The following FGFR1 variants were observed in gnomAD, a reference collection of about 807,000 sequenced individuals.
FGFR1 encodes the protein fibroblast growth factor receptor 1, also known as FGFR1/PLAG1 fusion.
A neutral mutation model predicts 93.7 loss-of-function variants in FGFR1; 18 were observed. That is an observed-to-expected ratio of 0.19 (90% CI 0.13 to 0.28). The LOEUF is 0.28. FGFR1 is among the 10% of genes least tolerant of loss of function. FGFR1 has a pLI of 1.00. For missense variants in FGFR1, 731 were observed against 1,080.4 expected (o/e 0.68, Z 4.53); for synonymous variants, 448 against 429.3 (o/e 1.04, Z -0.54).
chr8:38,419,819 T>TATC (rs1336575101), intron 8 of FGFR1, 84 bp from the exon 9 acceptor site: 1 of 1,199,642 alleles, frequency 8.3e-7, no homozygotes. Context: ...GCAACACCTG[T>TATC]CTCCTGTCCC....
In FGFR1 at chr8:38,413,432, C is replaced by T. The variant is rs571270516; in HGVS notation, c.*196G>A. ...AAGATCTGCCTCTTTGCACCTCTCA[C>T]CAGCAGGTGGAGAGGAGGTGGAGGG... is the stretch of plus-strand genomic sequence containing the variant. On this transcript the variant is annotated 3_prime_UTR_variant, in exon 18 of 18. Transcript: ENST00000447712. The surrounding 1 kb of genome is among the most constrained non-coding windows in gnomAD (Gnocchi z 4.2). The T allele has an allele frequency of 1.3e-5, 8 of 608,764 alleles. No homozygotes were observed. The South Asian group carries it at 1.4e-4, about 11-fold the overall frequency. The allele number at this position is 608,764 out of a possible 1,614,324, so 37.7% of individuals were successfully genotyped here.
At chr8:38,456,225 G>C (rs1461115680) in intron 2 of FGFR1, among the ~76,000 whole-genome samples, 1 of 152,154 alleles carries the variant, frequency 6.6e-6, no homozygotes, top group African/African-American at 2.4e-5. Flanking sequence ...TGTGTGACCA[G>C]CCACTGAGTC....
rs148651567 is a variant in FGFR1 at position 38,414,331 on chromosome 8, G to A, written c.2049-42C>T. The A allele has an allele frequency of 1.8e-4, 283 of 1,613,422 alleles. 3 individuals are homozygous for A. The East Asian group carries it at 5.0e-3, about 29-fold the overall frequency. ...AGCCACAGGGTGTTAGAGCTTCTCC[G>A]CCTCCCCTCCCCCAGCACAAATCCT... On this transcript the variant is annotated intron_variant, in intron 15 of 17. Coordinates refer to ENST00000447712, the MANE Select transcript of FGFR1 (RefSeq NM_023110.3).
At position 38,457,415 on chromosome 8, in the gene FGFR1, G is replaced by A. The variant is rs762020019; in HGVS notation, c.32C>T (p.Ala11Val). Residue 11 changes from alanine (A) to valine (V), a missense_variant, in exon 2 of 18, where the codon GCT (alanine) becomes GTT (valine). Around this residue, in one of 10 missense-constraint regions of FGFR1, gnomAD observed 212 missense variants for 205.8 expected, o/e 1.03. Coordinates refer to ENST00000447712, the MANE Select transcript of FGFR1 (RefSeq NM_023110.3). Reference sequence around the variant, plus strand: ...GCAGAGTGTGGCTGTGACCAGCACAGCCCAGAAGAGGAGGCACTTCCAGCT... The same window carrying A: ...GCAGAGTGTGGCTGTGACCAGCACAACCCAGAAGAGGAGGCACTTCCAGCT... The part of the protein sequence containing the change: MWSWKCLLFW[A>V]VLVTATLCTA... 5 of 1,614,042 alleles carry A rather than the reference G, an allele frequency of 3.1e-6. No homozygotes were observed. The South Asian group carries it at 5.5e-5, about 18-fold the overall frequency.
At chr8:38,422,236 G>A in intron 7 of FGFR1, 1 of 484,130 alleles carries the variant, frequency 2.1e-6, no homozygotes, top group Non-Finnish European at 3.8e-6. Flanking sequence ...TGAGCGGCAT[G>A]GAGAAATGGG....
At chr8:38,437,827 AAC>A (rs1248369901) in intron 2 of FGFR1, among the ~76,000 whole-genome samples, 1 of 152,212 alleles carries the variant, frequency 6.6e-6, no homozygotes, top group African/African-American at 2.4e-5. Flanking sequence ...CACATGGACA[AAC>A]ACACCTGAAA....
chr8:38,454,104 C>CT (rs1378720938), intron 2 of FGFR1, among the ~76,000 whole-genome samples: 4 of 152,146 alleles, frequency 2.6e-5, no homozygotes, highest in Admixed American at 2.6e-4. Context: ...CTCTTACTCC[C>CT]TTTCTTCTGT....
chr8:38,464,146 C>G (rs1025159680), intron 1 of FGFR1, among the ~76,000 whole-genome samples: 1 of 151,924 alleles, frequency 6.6e-6, no homozygotes, highest in African/African-American at 2.4e-5. Context: ...GAAACACCAT[C>G]TCTATTAAAA....
intron 2 of FGFR1, chr8:38,430,880 C>T (rs1007541091): frequency 2.0e-5 from 3 of 152,444 alleles, no homozygotes; most frequent in African/African-American, 7.2e-5. Flanking sequence ...TGCCTCTTCC[C>T]GCACGCGTTC....
intron 1 of FGFR1, 89 bp downstream of exon 1, chr8:38,467,892 G>C (rs1176814229): frequency 4.5e-6 from 1 of 224,540 alleles, no homozygotes; most frequent in African/African-American, 2.2e-5. Flanking sequence ...GGGCTGCGGC[G>C]GGCAAAGCGC....
rs2150866252 is a variant in FGFR1 at position 38,426,241 on chromosome 8, C to T, written c.626G>A (p.Arg209His). The change falls in exon 6 of 18, where the codon CGT becomes CAT. Residue 209 changes from arginine to histidine, a missense_variant. Around this residue, in one of 10 missense-constraint regions of FGFR1, gnomAD observed 109 missense variants for 249.4 expected, o/e 0.44. Coordinates refer to ENST00000447712, the MANE Select transcript of FGFR1 (RefSeq NM_023110.3). The surrounding 1 kb of genome is among the most constrained non-coding windows in gnomAD (Gnocchi z 4.1). ...CATTATGATGCTCCAGGTGGCATAACGGACCTGAGGGGAAATGCCAAAGGG... is the reference window on the plus strand; with the variant it reads ...CATTATGATGCTCCAGGTGGCATAATGGACCTGAGGGGAAATGCCAAAGGG... The part of the protein sequence containing the change: ...PDHRIGGYKV[R>H]YATWSIIMDS... 3 of 1,614,118 alleles carry T rather than the reference C, an allele frequency of 1.9e-6. No homozygotes were observed. Among genetic ancestry groups the T allele is most frequent in the Non-Finnish European group, 2.5e-6 (3 of 1,180,036 alleles).
chr8:38,422,423 A>G (rs1232546056), intron 7 of FGFR1: 3 of 356,784 alleles, frequency 8.4e-6, no homozygotes. Flanking sequence ...CTCTTTTTTA[A>G]GAGATGGGGT....
intron 8 of FGFR1, among the ~76,000 whole-genome samples, chr8:38,421,482 G>T (rs1418450089): frequency 6.6e-6 from 1 of 152,184 alleles, no homozygotes; most frequent in East Asian, 1.9e-4. Context: ...CTGGACCCAA[G>T]GACGGAAGGA....
intron 10 of FGFR1, 103 bp from the exon 11 acceptor site, chr8:38,418,094 G>A (rs1365407253): frequency 1.9e-6 from 3 of 1,608,354 alleles, no homozygotes; most frequent in East Asian, 2.2e-5. Flanking sequence ...ACTGCGAGCA[G>A]AAAGTGGAAT....
intron 2 of FGFR1, among the ~76,000 whole-genome samples, chr8:38,452,446 T>C (rs1831392562): frequency 6.6e-6 from 1 of 152,074 alleles, no homozygotes; most frequent in African/African-American, 2.4e-5. Context: ...CCTCAACTCC[T>C]GGGCTCAAGC....
chr8:38,427,933 A>G lies in FGFR1; in HGVS notation c.609T>C (p.Ile203=). 6.2e-7 allele frequency: 1 copy of G among 1,614,194 alleles called. No individual in the cohort carries two copies. Among genetic ancestry groups the G allele is most frequent in the Non-Finnish European group, 8.5e-7 (1 of 1,180,038 alleles). The change falls in exon 5 of 18, where the codon ATT becomes ATC. Residue 203 remains isoleucine, a synonymous_variant. Coordinates refer to ENST00000447712, the MANE Select transcript of FGFR1 (RefSeq NM_023110.3). The stretch of plus-strand genomic sequence containing the variant: ...CACACACACGTACCTTGTAGCCTCC[A>G]ATTCTGTGGTCAGGTTTGAATTCTT... The part of the protein sequence containing the change: ...NGKEFKPDHR[I]GGYKVRYATW...
chr8:38,448,228 G>A (rs1829967670), intron 2 of FGFR1, among the ~76,000 whole-genome samples: 1 of 150,894 alleles, frequency 6.6e-6, no homozygotes, highest in South Asian at 2.1e-4. Context: ...TTACAGGTCT[G>A]TATTTTCTGA....
intron 3 of FGFR1, 128 bp from the exon 4 acceptor site, chr8:38,428,563 A>G: frequency 2.7e-6 from 2 of 737,388 alleles, no homozygotes; most frequent in Non-Finnish European, 4.8e-6. Flanking sequence ...TCCCTTAGTG[A>G]TGATCTCTTG....
chr8:38,433,163 C>T lies in FGFR1; in HGVS notation c.92-3215G>A, dbSNP rs138744619. On this transcript the variant is annotated intron_variant, in intron 2 of 17. Coordinates refer to ENST00000447712, the MANE Select transcript of FGFR1 (RefSeq NM_023110.3). Reference sequence around the variant, plus strand: ...GACCAGCCTAGGCAACATAGTGAGACCTCGTCTCTACAAAAAAATTTAAAA... The same window carrying T: ...GACCAGCCTAGGCAACATAGTGAGATCTCGTCTCTACAAAAAAATTTAAAA... 2.2e-3 allele frequency among the ~76,000 whole-genome samples: 336 copies of T among 152,140 alleles called. 2 individuals are homozygous for T. The highest frequency in any genetic ancestry group is 7.5e-3 in the African/African-American group (311 of 41,504).
Sources: gnomAD v4.1 joint callset for allele counts (sites outside exome capture counted in the v4.1 genomes callset) on GRCh38, gnomAD v4.1.1 for gene constraint, gnomAD v4.1.1 regional missense constraint, Gnocchi (gnomAD v3.1) non-coding constraint, MANE v1.5 for transcripts, NCBI Gene and HGNC (gene_info 2026-07-23, HGNC 2026-07-21) for gene names.